Variants in ARHGAP33 observed in about 807,000 individuals in gnomAD.
ARHGAP33 encodes the protein rho GTPase-activating protein 33.
In ARHGAP33, 57 loss-of-function variants were observed where a neutral mutation model predicts 126.2. That is an observed-to-expected ratio of 0.45 (90% CI 0.36 to 0.56). The LOEUF (loss-of-function observed/expected upper bound fraction) is 0.56, where lower values mean the gene tolerates loss of function less well. Among genes scored for constraint, ARHGAP33 ranks in the 20% least tolerant of loss-of-function variants. ARHGAP33 has a pLI of 0.00. For missense variants in ARHGAP33, 1,500 were observed against 1,748.3 expected, an observed-to-expected ratio of 0.86 and a Z score of 2.53; for synonymous variants, 711 against 755.0, an observed-to-expected ratio of 0.94 and a Z score of 0.95.
Position 35,787,996 on chromosome 19 carries a change from G to A in ARHGAP33, c.3431G>A (p.Cys1144Tyr). ...CTCAGCTACCCGCCAGCCCCCTCCTGCTTTCCCCCTGACCACCTTGGCTAC... is the reference window on the plus strand; with the variant it reads ...CTCAGCTACCCGCCAGCCCCCTCCTACTTTCCCCCTGACCACCTTGGCTAC... ...FLLSYPPAPS[C>Y]FPPDHLGYSA... The change falls in exon 21 of 21, where the codon TGC becomes TAC. Residue 1144 changes from cysteine (C) to tyrosine (Y), a missense_variant. Physicochemically the swap from Cys to Tyr is radical, Grantham distance 194. This residue lies in a region of ARHGAP33 where 642 missense variants were observed against 634.0 expected (regional missense o/e 1.01). Transcript: ENST00000007510. 2 of 1,528,124 alleles carry A rather than the reference G, an allele frequency of 1.3e-6. No individual in the cohort carries two copies. The highest frequency in any genetic ancestry group is 4.8e-5 in the East Asian group (2 of 41,452). 94.7% of individuals were successfully genotyped at this position (1,528,124 alleles called of 1,614,324 possible). A position where few individuals can be genotyped will look rare whatever the true frequency, so the allele number is the denominator to read the frequency against.
intron 16 of ARHGAP33, 139 bp downstream of exon 16, chr19:35,784,456 G>A (rs1443252243): frequency 6.2e-6 from 6 of 972,022 alleles, no homozygotes; most frequent in Non-Finnish European, 7.0e-6. Context: ...ATCCCGCCCC[G>A]GCCTCTCCCT....
intron 15 of ARHGAP33, among the ~76,000 whole-genome samples, chr19:35,783,859 G>C (rs1314347018): frequency 2.0e-5 from 3 of 151,290 alleles, no homozygotes; most frequent in African/African-American, 7.3e-5. Context: ...GGGATGTCCA[G>C]GCTGGGGGAG....
At position 35,788,120 on chromosome 19, in the gene ARHGAP33, C is replaced by T. The variant is rs368109821; in HGVS notation, c.3555C>T (p.Ser1185=). The T allele has an allele frequency of 4.3e-6, 7 of 1,611,630 alleles. No homozygotes were observed. The highest frequency in any genetic ancestry group is 5.9e-6 in the Non-Finnish European group (7 of 1,179,016). The change falls in exon 21 of 21, where the codon TCC becomes TCT. Residue 1185 remains serine, a synonymous_variant. Coordinates refer to ENST00000007510, the MANE Select transcript of ARHGAP33 (RefSeq NM_001366178.1). The part of the protein sequence containing the change: ...GPRGPSPASS[S]SSSPPAHPRS... ...GGGGTCCCTCACCTGCCTCTTCCTCCTCCTCTTCCCCTCCTGCCCACCCCC... is the reference window on the plus strand; with the variant it reads ...GGGGTCCCTCACCTGCCTCTTCCTCTTCCTCTTCCCCTCCTGCCCACCCCC...
rs145164586 is a variant in ARHGAP33, at chr19:35,780,634, C to A, written c.755C>A (p.Pro252Gln). The part of the protein sequence containing the change: ...CVELFTERPG[P>Q]GLKADADGPP... ...GAACTCTTCACAGAGCGGCCAGGTC[C>A]GGGCCTGAAGGCGGGTAAGTGCCAT... Residue 252 changes from proline (P) to glutamine (Q), a missense_variant, in exon 9 of 21, where the codon CCG becomes CAG. Transcript: ENST00000007510. 36 of 1,338,284 alleles carry A rather than the reference C, an allele frequency of 2.7e-5. No individual in the cohort carries two copies. Among genetic ancestry groups the A allele is most frequent in the African/African-American group, 5.1e-5 (3 of 58,558 alleles). 82.9% of individuals were successfully genotyped at this position (1,338,284 alleles called of 1,614,324 possible). A position where few individuals can be genotyped will look rare whatever the true frequency, so the allele number is the denominator to read the frequency against.
At position 35,787,176 on chromosome 19, in the gene ARHGAP33, A is replaced by G. The variant is rs1233599724; in HGVS notation, c.2611A>G (p.Met871Val). The G allele has an allele frequency of 3.7e-6, 6 of 1,610,438 alleles. No individual in the cohort carries two copies. The highest frequency in any genetic ancestry group is 1.1e-5 in the South Asian group (1 of 90,978). The change falls in exon 21 of 21, where the codon ATG (methionine) becomes GTG (valine). Residue 871 changes from methionine to valine, a missense_variant. By Grantham distance (21) the Met-to-Val change is conservative. This residue lies in a region of ARHGAP33 where 642 missense variants were observed against 634.0 expected (regional missense o/e 1.01). Coordinates refer to ENST00000007510, the MANE Select transcript of ARHGAP33 (RefSeq NM_001366178.1). ...TCCATTCATTTATATAGGTCCTGAT[A>G]TGGAGTCACCACTGCCACCCCCTCC... ...RGAQGPLGPD[M>V]ESPLPPPPLS...
chr19:35,779,755 G>T (rs1599777712), intron 6 of ARHGAP33: 1 of 357,764 alleles, frequency 2.8e-6, no homozygotes, highest in East Asian at 7.4e-5. Flanking sequence ...AAAATGTTTT[G>T]TAGAGACAGA....
intron 12 of ARHGAP33, 68 bp downstream of exon 12, chr19:35,781,320 C>G (rs1599783025): frequency 6.7e-7 from 1 of 1,488,914 alleles, no homozygotes; most frequent in East Asian, 2.3e-5. Context: ...CAGCCCCGTG[C>G]TGCATGCTGG....
At chr19:35,785,639 T>C in intron 19 of ARHGAP33, 156 bp downstream of exon 19, 3 of 1,453,908 alleles carry the variant, frequency 2.1e-6, no homozygotes, top group Non-Finnish European at 2.7e-6. Context: ...ATGAGTTGGA[T>C]ACAGTATCAC....
Position 35,785,298 on chromosome 19 carries a change from T to C in ARHGAP33, c.1831T>C (p.Trp611Arg), listed in dbSNP as rs776432621. 1.0e-5 allele frequency: 16 copies of C among 1,604,236 alleles called. No individual in the cohort carries two copies. Among genetic ancestry groups the C allele is most frequent in the Non-Finnish European group, 1.3e-5 (15 of 1,174,792 alleles). ...TGTCCCTCGAAAGAAGCCCCTGCCC[T>C]GGCTGGGGGGCACCCGTGCCCCACC... Reference protein sequence around the residue: ...PSVPRKKPLPWLGGTRAPPQP... With the variant: ...PSVPRKKPLPRLGGTRAPPQP... Residue 611 changes from tryptophan (W) to arginine (R), a missense_variant, in exon 18 of 21, where the codon TGG becomes CGG. Transcript: ENST00000007510.
At chr19:35,778,170 G>C in intron 3 of ARHGAP33, 110 bp from the exon 4 acceptor site, 4 of 1,169,250 alleles carry the variant, frequency 3.4e-6, no homozygotes, top group Non-Finnish European at 3.8e-6. Flanking sequence ...ACCAGGCCCT[G>C]TCCTCGGGGA....
chr19:35,786,148 A>G lies in ARHGAP33; in HGVS notation c.1943-265A>G. On this transcript the variant is annotated intron_variant, in intron 19 of 20. Transcript: ENST00000007510. This position sits in a 1 kb window ranked among gnomAD's most constrained non-coding sequence, Gnocchi z 7.0. ...GGTACTGCCCTCCCACATACCCAGG[A>G]GCCCAGGTGCTGTCCTGCTGGCTCA... 1 of 1,345,430 alleles carries G rather than the reference A, an allele frequency of 7.4e-7. No homozygotes were observed. Among genetic ancestry groups the G allele is most frequent in the Non-Finnish European group, 9.5e-7 (1 of 1,051,642 alleles). 83.3% of individuals were successfully genotyped at this position (1,345,430 alleles called of 1,614,324 possible). A position where few individuals can be genotyped will look rare whatever the true frequency, so the allele number is the denominator to read the frequency against.
intron 16 of ARHGAP33, 123 bp downstream of exon 16, chr19:35,784,440 T>C (rs1235603208): frequency 1.5e-5 from 22 of 1,424,028 alleles, no homozygotes; most frequent in Middle Eastern, 2.4e-4. Flanking sequence ...CTCCGGCTCC[T>C]TGAGGATCCC....
intron 15 of ARHGAP33, among the ~76,000 whole-genome samples, chr19:35,783,416 C>G (rs1022103225): frequency 2.0e-5 from 3 of 152,122 alleles, no homozygotes; most frequent in African/African-American, 7.2e-5. Context: ...AGGGAGTGTA[C>G]AGTTTTGAAT....
chr19:35,782,771 G>A lies in ARHGAP33; in HGVS notation c.1323G>A (p.Glu441=). The A allele has an allele frequency of 6.2e-7, 1 of 1,613,374 alleles. No individual in the cohort carries two copies. Among genetic ancestry groups the A allele is most frequent in the South Asian group, 1.1e-5 (1 of 90,990 alleles). Residue 441 remains glutamate, a synonymous_variant, in exon 15 of 21, where the codon GAG becomes GAA. Transcript: ENST00000007510. The surrounding 1 kb of genome is among the most constrained non-coding windows in gnomAD (Gnocchi z 4.1). ...CTGCTCCCACCCCCAGGACCCTGGA[G>A]TACCTGCTGAGGCACCTGGCCCGCA... ...QLPPPHYRTL[E]YLLRHLARMA...
At chr19:35,784,816 T>TGATCCGCCCC in intron 16 of ARHGAP33, 137 bp from the exon 17 acceptor site, 1 of 1,224,998 alleles carries the variant, frequency 8.2e-7, no homozygotes, top group Admixed American at 4.0e-5. Flanking sequence ...TGCTCCCGCC[T>TGATCCGCCCC]GATCCGCCCC....
In ARHGAP33 at chr19:35,787,445, T is replaced by A. The variant is rs367747014; in HGVS notation, c.2880T>A (p.Gly960=). The A allele has an allele frequency of 5.1e-5, 83 of 1,611,942 alleles. No individual in the cohort carries two copies. In the African/African-American group the frequency reaches 8.7e-4, roughly 17 times the overall value. ...CTCCCAACTCCCTAGCACACCCGGG[T>A]GCCTGGGTCCCGGGACCCCCACCCT... ...GPPPNSLAHP[G]AWVPGPPPYL... is the part of the protein sequence containing the mutation. Residue 960 remains glycine (G), a synonymous_variant, in exon 21 of 21, where the codon GGT becomes GGA. Transcript: ENST00000007510.
rs768123260 is a variant in ARHGAP33, at chr19:35,777,852, C to T, written c.133C>T (p.Arg45Trp). 3.1e-6 allele frequency: 5 copies of T among 1,614,084 alleles called. No individual in the cohort carries two copies. Among genetic ancestry groups the T allele is most frequent in the Non-Finnish European group, 4.2e-6 (5 of 1,180,032 alleles). Residue 45 changes from arginine (R) to tryptophan (W), a missense_variant, in exon 3 of 21, where the codon CGG becomes TGG. Arg to Trp is a moderately radical substitution (Grantham distance 101, BLOSUM62 -3). This residue lies in a region of ARHGAP33 where 129 missense variants were observed against 145.9 expected (regional missense o/e 0.88). Coordinates refer to ENST00000007510, the MANE Select transcript of ARHGAP33 (RefSeq NM_001366178.1). ...RLSAPRGPFP[R>W]LADCAHFHYE... ...CTCAGCTCCTCGAGGCCCCTTCCCG[C>T]GGCTGGCTGACTGCGCCCATTTCCA...
Position 35,787,564 on chromosome 19 carries a change from G to A in ARHGAP33, c.2999G>A (p.Ser1000Asn). Residue 1000 changes from serine (S) to asparagine (N), a missense_variant, in exon 21 of 21, where the codon AGT becomes AAT. Transcript: ENST00000007510. ...GGACTCCGAGGCCCTGCCCAGGTCA[G>A]TGCCCAGCTCAGGGCAGGTGGCGGG... ...RRGLRGPAQV[S>N]AQLRAGGGGR... 2 of 1,611,756 alleles carry A rather than the reference G, an allele frequency of 1.2e-6. No homozygotes were observed. Among genetic ancestry groups the A allele is most frequent in the Non-Finnish European group, 1.7e-6 (2 of 1,179,400 alleles).
rs771492571 is a variant in ARHGAP33 at position 35,777,713 on chromosome 19, G to A, written c.75G>A (p.Gly25=). ...TGCAGCCTCTACCCACTGCTGGGGG[G>A]CCCAGTGTGAAGGGGAAGCCTGGGA... ...GSVQPLPTAG[G]PSVKGKPGKR... The change falls in exon 2 of 21, where the codon GGG becomes GGA. Residue 25 remains glycine (G), a synonymous_variant. Coordinates refer to ENST00000007510, the MANE Select transcript of ARHGAP33 (RefSeq NM_001366178.1). The A allele has an allele frequency of 1.9e-6, 3 of 1,607,060 alleles. No individual in the cohort carries two copies. The Admixed American group carries it at 5.2e-5, about 28-fold the overall frequency.
Sources: gnomAD v4.1 joint callset for allele counts (sites outside exome capture counted in the v4.1 genomes callset) on GRCh38, gnomAD v4.1.1 for gene constraint, gnomAD v4.1.1 regional missense constraint, Gnocchi (gnomAD v3.1) non-coding constraint, MANE v1.5 for transcripts, NCBI Gene and HGNC (gene_info 2026-07-23, HGNC 2026-07-21) for gene names.